The following HECW2 variants were observed in gnomAD, a reference collection of about 807,000 sequenced individuals.
HECW2 encodes the protein HECT, C2 and WW domain containing E3 ubiquitin protein ligase 2, also known as E3 ubiquitin-protein ligase HECW2.
Under a neutral mutation model 175.2 loss-of-function variants are expected in HECW2, and 61 were observed. The observed-to-expected ratio is 0.35, with a 90% CI of 0.28 to 0.43. The LOEUF (loss-of-function observed/expected upper bound fraction) is 0.43. HECW2 is among the 20% of genes least tolerant of loss of function. The pLI is 1.00. For missense variants in HECW2, 1,524 were observed against 2,000.5 expected (o/e 0.76, Z 4.54); for synonymous variants, 671 against 731.0 (o/e 0.92, Z 1.32).
At chr2:196,248,604 ACACAC>A (rs1688739308) in intron 19 of HECW2, among the ~76,000 whole-genome samples, 3 of 140,482 alleles carry the variant, frequency 2.1e-5, no homozygotes, top group East Asian at 1.9e-4. Context: ...ACAGACACAC[ACACAC>A]ACACACACAC....
intron 2 of HECW2, among the ~76,000 whole-genome samples, chr2:196,428,605 T>C (rs1364167430): frequency 2.6e-5 from 4 of 152,182 alleles, no homozygotes; most frequent in African/African-American, 9.7e-5. Context: ...CCCAACACAG[T>C]ATTGGTCCTA....
chr2:196,512,584 C>A (rs1210566074), intron 1 of HECW2, among the ~76,000 whole-genome samples: 1 of 152,032 alleles, frequency 6.6e-6, no homozygotes, highest in South Asian at 2.1e-4. Flanking sequence ...TAGATGAGGT[C>A]TCACTATGTT....
chr2:196,330,364 T>C (rs1300038732), intron 4 of HECW2, among the ~76,000 whole-genome samples: 1 of 152,206 alleles, frequency 6.6e-6, no homozygotes. Context: ...ACCTTCATAT[T>C]ACTCTGCAAA....
intron 1 of HECW2, among the ~76,000 whole-genome samples, chr2:196,561,101 C>T (rs552031449): frequency 6.6e-6 from 1 of 152,270 alleles, no homozygotes; most frequent in South Asian, 2.1e-4. Flanking sequence ...TTACCAAAAA[C>T]GGGTAAGAGA....
chr2:196,289,089 T>C (rs1690503878), intron 14 of HECW2: 1 of 152,248 alleles, frequency 6.6e-6, no homozygotes, highest in African/African-American at 2.4e-5. Context: ...GTGGTAAATT[T>C]TTATCATTGT....
rs565257319 is a variant in HECW2 at position 196,574,840 on chromosome 2, C to T, written c.-36+18668G>A. On this transcript the variant is annotated intron_variant, in intron 1 of 28. Transcript: ENST00000644978. ...CATAAAAAACAGACATATAGCCTAACGGAACTGAATAAAAAGCCAAGAAAT... is the reference window on the plus strand; with the variant it reads ...CATAAAAAACAGACATATAGCCTAATGGAACTGAATAAAAAGCCAAGAAAT... Among the ~76,000 whole-genome samples, 10 of 152,104 alleles carry T rather than the reference C, an allele frequency of 6.6e-5. No homozygotes were observed. In the South Asian group the frequency reaches 1.5e-3, roughly 22 times the overall value.
intron 28 of HECW2, among the ~76,000 whole-genome samples, chr2:196,213,281 G>A (rs574065514): frequency 9.8e-5 from 15 of 152,288 alleles, no homozygotes; most frequent in African/African-American, 3.6e-4. Flanking sequence ...CAAAAGTCAG[G>A]ATAAAAAGTT....
chr2:196,459,439 A>G (rs914149170), intron 1 of HECW2, among the ~76,000 whole-genome samples: 1 of 152,144 alleles, frequency 6.6e-6, no homozygotes, highest in Non-Finnish European at 1.5e-5. Flanking sequence ...GATACAGTAA[A>G]AAATAAAGAT....
chr2:196,474,414 A>G (rs1331779372), intron 1 of HECW2, among the ~76,000 whole-genome samples: 1 of 152,220 alleles, frequency 6.6e-6, no homozygotes, highest in Non-Finnish European at 1.5e-5. Context: ...AAATATCATT[A>G]GTCATAAATT....
chr2:196,565,662 G>A (rs938776874), intron 1 of HECW2, among the ~76,000 whole-genome samples: 1 of 152,056 alleles, frequency 6.6e-6, no homozygotes, highest in Non-Finnish European at 1.5e-5. Flanking sequence ...GCTAAAAAGT[G>A]CTTTCAAAAA....
rs575088329 is a variant in HECW2 at position 196,318,755 on chromosome 2, A to T, written c.2135T>A (p.Val712Glu). The T allele has an allele frequency of 9.8e-6, 15 of 1,527,888 alleles. No homozygotes were observed. The African/African-American group carries it at 1.5e-4, about 16-fold the overall frequency. The allele number at this position is 1,527,888 out of a possible 1,614,324, so 94.6% of individuals were successfully genotyped here. The change falls in exon 9 of 29, where the codon GTG (valine) becomes GAG (glutamate). Residue 712 changes from valine (V) to glutamate (E), a missense_variant. By Grantham distance (121) the Val-to-Glu change is moderately radical. Transcript: ENST00000644978. Reference sequence around the variant, plus strand: ...TGGCCCTTCATCCTCCCCACTGGGCACCTGTACCACAGGTAAAGAACCAGC... The same window carrying T: ...TGGCCCTTCATCCTCCCCACTGGGCTCCTGTACCACAGGTAAAGAACCAGC... ...CTAGSLPVVQ[V>E]PSGEDEGPGA...
chr2:196,445,004 A>G (rs1056845813), intron 1 of HECW2, among the ~76,000 whole-genome samples: 2 of 152,146 alleles, frequency 1.3e-5, no homozygotes, highest in African/African-American at 4.8e-5. Flanking sequence ...AATTCTTACC[A>G]CCTGCTCCAT....
At chr2:196,469,899 C>CT (rs528801677) in intron 1 of HECW2, among the ~76,000 whole-genome samples, 66 of 151,588 alleles carry the variant, frequency 4.4e-4, no homozygotes, top group Admixed American at 2.2e-3. Context: ...GGGAAATTGA[C>CT]TTTTTTTTAC....
At chr2:196,383,143 C>G (rs1409794972) in intron 2 of HECW2, among the ~76,000 whole-genome samples, 1 of 152,086 alleles carries the variant, frequency 6.6e-6, no homozygotes, top group African/African-American at 2.4e-5. Flanking sequence ...ACCAGGCCAC[C>G]TGGATGGAAG....
intron 17 of HECW2, among the ~76,000 whole-genome samples, chr2:196,268,118 C>CTCTTAGATA (rs1323483060): frequency 6.6e-6 from 1 of 152,164 alleles, no homozygotes; most frequent in Non-Finnish European, 1.5e-5. Context: ...ACAGAATGTT[C>CTCTTAGATA]TCTTAGATAT....
chr2:196,228,089 A>T lies in HECW2; in HGVS notation c.3917+13T>A. ...AATCGCCTGAAGAAAAGTGTTGGGG[A>T]AAAAATACTTACCATTCATGGTGAT... On this transcript the variant is annotated intron_variant, in intron 22 of 28. Coordinates refer to ENST00000644978, the MANE Select transcript of HECW2 (RefSeq NM_001348768.2). 6.6e-7 allele frequency: 1 copy of T among 1,523,768 alleles called. No individual in the cohort carries two copies. The highest frequency in any genetic ancestry group is 1.3e-5 in the South Asian group (1 of 77,374). 94.4% of individuals were successfully genotyped at this position (1,523,768 alleles called of 1,614,324 possible).
At chr2:196,419,107 A>G (rs888988559) in intron 2 of HECW2, among the ~76,000 whole-genome samples, 3 of 152,246 alleles carry the variant, frequency 2.0e-5, no homozygotes, top group African/African-American at 7.2e-5. Flanking sequence ...AACAAGATGC[A>G]GTTAAGGAGT....
intron 1 of HECW2, among the ~76,000 whole-genome samples, chr2:196,466,267 G>A (rs1696949397): frequency 6.6e-6 from 1 of 152,152 alleles, no homozygotes; most frequent in Admixed American, 6.5e-5. Context: ...TGCTAGAGCT[G>A]GCTTCCCCAT....
At chr2:196,398,582 T>C (rs1019859764) in intron 2 of HECW2, among the ~76,000 whole-genome samples, 1 of 152,206 alleles carries the variant, frequency 6.6e-6, no homozygotes, top group African/African-American at 2.4e-5. Context: ...TCAAGTTATC[T>C]ATGCACCTCG....
Sources: gnomAD v4.1 joint callset for allele counts (sites outside exome capture counted in the v4.1 genomes callset) on GRCh38, gnomAD v4.1.1 for gene constraint, MANE v1.5 for transcripts, NCBI Gene and HGNC (gene_info 2026-07-23, HGNC 2026-07-21) for gene names.